Variants in CFAP47 observed in about 807,000 individuals in gnomAD.
CFAP47 encodes cilia- and flagella-associated protein 47.
A neutral mutation model predicts 148.1 loss-of-function variants in CFAP47; 29 were observed. That is an observed-to-expected ratio of 0.20 (90% CI 0.15 to 0.27). The LOEUF is 0.27. Ranked by LOEUF, CFAP47 falls within the 10% of genes least tolerant of loss-of-function variation. The pLI, the probability that CFAP47 is intolerant of heterozygous loss-of-function variation, is 1.00. For missense variants in CFAP47, 1,872 were observed against 1,697.5 expected, an observed-to-expected ratio of 1.10 and a Z score of -1.81; for synonymous variants, 664 against 577.3, an observed-to-expected ratio of 1.15 and a Z score of -2.15.
chrX:36,261,516 G>T (rs1326447787), intron 49 of CFAP47, among the ~76,000 whole-genome samples: 5 of 104,828 alleles, frequency 4.8e-5, no homozygotes, highest in African/African-American at 1.8e-4. Context: ...AGATTAGGGA[G>T]TGGTGATGAC....
intron 13 of CFAP47, among the ~76,000 whole-genome samples, chrX:35,973,652 A>G (rs753357531): frequency 1.8e-5 from 2 of 111,791 alleles, no homozygotes; most frequent in Admixed American, 1.9e-4. Context: ...TGTGTGCTAT[A>G]GAGTAGGAAG....
chrX:35,949,311 G>C (rs1345109393), intron 4 of CFAP47, among the ~76,000 whole-genome samples: 38 of 111,320 alleles, frequency 3.4e-4, no homozygotes, highest in Non-Finnish European at 1.9e-5. Flanking sequence ...TAGGATGAGA[G>C]TGTCATGATT....
intron 39 of CFAP47, among the ~76,000 whole-genome samples, chrX:36,172,934 T>A (rs1295938815): frequency 1.1e-4 from 12 of 111,335 alleles, no homozygotes; most frequent in African/African-American, 3.3e-4. Flanking sequence ...GGTCCTGGAC[T>A]CTTTTTTGTT....
intron 44 of CFAP47, among the ~76,000 whole-genome samples, chrX:36,201,999 G>C (rs1382788809): frequency 9.0e-6 from 1 of 110,839 alleles, no homozygotes; most frequent in Non-Finnish European, 1.9e-5. Context: ...ACCTCCTCAA[G>C]CCTAAATTTT....
intron 48 of CFAP47, among the ~76,000 whole-genome samples, chrX:36,237,645 T>TA (rs782564490): frequency 2.7e-5 from 3 of 112,236 alleles, no homozygotes; most frequent in Non-Finnish European, 5.6e-5. Context: ...CCTTATTTTT[T>TA]ATGAAGCATT....
At chrX:36,186,477 C>A (rs1555985643) in intron 40 of CFAP47, among the ~76,000 whole-genome samples, 1 of 111,823 alleles carries the variant, frequency 8.9e-6, no homozygotes, top group African/African-American at 3.2e-5. Context: ...AAACTTAATG[C>A]TCTCTAGTTT....
chrX:35,936,892 C>T (rs1163733126), intron 2 of CFAP47, among the ~76,000 whole-genome samples: 11 of 108,379 alleles, frequency 1.0e-4, no homozygotes, highest in Admixed American at 5.0e-4. Context: ...GTGGTGAGAA[C>T]GCTATACAAG....
chrX:35,934,992 G>A (rs1935888422), intron 2 of CFAP47, among the ~76,000 whole-genome samples: 2 of 110,719 alleles, frequency 1.8e-5, no homozygotes, highest in African/African-American at 6.6e-5. Flanking sequence ...GAAGGAAGGG[G>A]TCTCTTTTGG....
At chrX:36,174,021 T>G (rs1345850412) in intron 39 of CFAP47, among the ~76,000 whole-genome samples, 1 of 110,021 alleles carries the variant, frequency 9.1e-6, no homozygotes, top group Non-Finnish European at 1.9e-5. Flanking sequence ...TAGTTAGCTC[T>G]TCTTGTTGAA....
chrX:35,975,344 A>G lies in CFAP47; in HGVS notation c.2452A>G (p.Thr818Ala). 8.5e-7 allele frequency: 1 copy of G among 1,181,372 alleles called. No individual in the cohort carries two copies. Among genetic ancestry groups the G allele is most frequent in the Non-Finnish European group, 1.1e-6 (1 of 874,262 alleles). The change falls in exon 14 of 64, where the codon ACC becomes GCC. Residue 818 changes from threonine (T) to alanine (A), a missense_variant. Transcript: ENST00000378653. ...TATTTCAATGGTATTTGACTCTCCC[A>G]CCATTGGAAAATTTTGGAAGTAGGG... ...TYISMVFDSP[T>A]IGKFWKSFTF...
chrX:35,970,661 A>G (rs745674851), intron 10 of CFAP47, 107 bp from the exon 11 acceptor site: 80 of 525,543 alleles, frequency 1.5e-4, no homozygotes, highest in Middle Eastern at 6.0e-4. Flanking sequence ...TCTATTTGCC[A>G]TTCCACATCC....
chrX:36,247,521 A>G (rs1388982242), intron 48 of CFAP47, among the ~76,000 whole-genome samples: 3 of 111,611 alleles, frequency 2.7e-5, no homozygotes, highest in Non-Finnish European at 5.7e-5. Context: ...GAATGTAGTA[A>G]CATACAGGAA....
chrX:36,077,095 T>TTGTGTCTG (rs1290069569), intron 29 of CFAP47, among the ~76,000 whole-genome samples: 1 of 108,138 alleles, frequency 9.2e-6, no homozygotes, highest in Non-Finnish European at 1.9e-5. Flanking sequence ...CCGTTGGTCT[T>TTGTGTCTG]TGTGTCTGTT....
In CFAP47 at chrX:36,085,395, T is replaced by C. The variant is rs779103445; in HGVS notation, c.4773T>C (p.Asn1591=). ...FSRQNDFSKY[N]KTIYDVLLHL... is the part of the protein sequence containing the mutation. ...GACAGAATGACTTTTCCAAATATAA[T>C]AAGACCATTTATGATGTGCTGCTCC... Residue 1591 remains asparagine, a synonymous_variant, in exon 30 of 64, where the codon AAT becomes AAC. Transcript: ENST00000378653. 3.3e-6 allele frequency: 4 copies of C among 1,206,536 alleles called. No individual in the cohort carries two copies. The Admixed American group carries it at 8.7e-5, about 26-fold the overall frequency.
At chrX:35,959,881 A>G (rs1309974470) in intron 8 of CFAP47, among the ~76,000 whole-genome samples, 1 of 107,426 alleles carries the variant, frequency 9.3e-6, no homozygotes, top group Non-Finnish European at 1.9e-5. Context: ...TCCGTCTCAA[A>G]AAAAAAAAAA....
intron 29 of CFAP47, among the ~76,000 whole-genome samples, chrX:36,081,980 T>C (rs1260540065): frequency 8.9e-6 from 1 of 111,767 alleles, no homozygotes; most frequent in East Asian, 2.8e-4. Flanking sequence ...GAAGTCCTTT[T>C]CAGAGCAAGC....
At chrX:36,185,699 G>T (rs782423121) in intron 40 of CFAP47, among the ~76,000 whole-genome samples, 3 of 111,753 alleles carry the variant, frequency 2.7e-5, no homozygotes, top group Non-Finnish European at 5.6e-5. Flanking sequence ...GGTTTTGGAG[G>T]CTGGGAAGTC....
At chrX:35,973,405 G>A (rs373762663) in intron 13 of CFAP47, among the ~76,000 whole-genome samples, 2 of 110,923 alleles carry the variant, frequency 1.8e-5, no homozygotes, top group East Asian at 5.7e-4. Context: ...TAGCCAAGAT[G>A]GTCTCCATCT....
intron 62 of CFAP47, among the ~76,000 whole-genome samples, chrX:36,376,043 A>C (rs1942019915): frequency 8.9e-6 from 1 of 111,860 alleles, no homozygotes; most frequent in South Asian, 3.7e-4. Flanking sequence ...ACACACACTC[A>C]GCTGCAGGAG....
Sources: allele counts gnomAD v4.1 joint callset (sites outside exome capture counted in the v4.1 genomes callset), GRCh38; gene constraint gnomAD v4.1.1; transcripts MANE v1.5; gene names NCBI Gene and HGNC (gene_info 2026-07-23, HGNC 2026-07-21).